The following TSEN54 variants were observed in gnomAD, a reference collection of about 807,000 sequenced individuals.
TSEN54 encodes the protein tRNA splicing endonuclease subunit 54.
In TSEN54, 55 loss-of-function variants were observed where a neutral mutation model predicts 61.9. That is an observed-to-expected ratio of 0.89 (90% confidence interval 0.72 to 1.11). The LOEUF is 1.11. TSEN54 is among the 50% of genes most tolerant of loss of function. The pLI is 0.00. For synonymous variants in TSEN54, 304 were observed against 288.7 expected (o/e 1.05, Z -0.54); for missense variants, 760 against 687.7 (o/e 1.11, Z -1.18).
At chr17:75,523,048 GCA>G in intron 8 of TSEN54, 1 of 543,976 alleles carries the variant, frequency 1.8e-6, no homozygotes, top group Non-Finnish European at 3.4e-6. Flanking sequence ...GTGTGGTGGT[GCA>G]CACTTATAAT....
chr17:75,522,921 C>G, intron 8 of TSEN54: 1 of 359,096 alleles, frequency 2.8e-6, no homozygotes, highest in Non-Finnish European at 5.4e-6. Flanking sequence ...TGGCTCATAC[C>G]CGTAATCCCA....
chr17:75,521,450 C>G lies in TSEN54; in HGVS notation c.563C>G (p.Ala188Gly). ...SPYERQLNLD[A>G]SVQHLEDGDG... is the part of the protein sequence containing the mutation. ...TATGAGAGGCAGCTTAACCTGGATG[C>G]CAGCGTGCAGCACTTGGAGGATGGA... is the stretch of plus-strand genomic sequence containing the variant. The change falls in exon 7 of 11, where the codon GCC becomes GGC. Residue 188 changes from alanine (A) to glycine (G), a missense_variant. Around this residue, in one of 3 missense-constraint regions of TSEN54, gnomAD observed 667 missense variants for 577.8 expected, o/e 1.15. Coordinates refer to ENST00000333213, the MANE Select transcript of TSEN54 (RefSeq NM_207346.3). The G allele has an allele frequency of 6.2e-7, 1 of 1,614,106 alleles. No homozygotes were observed. The highest frequency in any genetic ancestry group is 1.1e-5 in the South Asian group (1 of 91,086).
In TSEN54 at chr17:75,517,177, C is replaced by G. The variant is rs373908614; in HGVS notation, c.302C>G (p.Thr101Ser). 3 of 1,594,930 alleles carry G rather than the reference C, an allele frequency of 1.9e-6. No individual in the cohort carries two copies. The highest frequency in any genetic ancestry group is 2.6e-6 in the Non-Finnish European group (3 of 1,170,100). ...CCCACACAGGGCAAATTCTGGCAGA[C>G]CATGGGCTTCTCAGAGCAGGGCCGG... ...LKSPAGKFWQ[T>S]MGFSEQGRQR... Residue 101 changes from threonine (T) to serine (S), a missense_variant, in exon 4 of 11, where the codon ACC becomes AGC. By Grantham distance (58) the Thr-to-Ser change is moderately conservative. This residue lies in a region of TSEN54 where 667 missense variants were observed against 577.8 expected (regional missense o/e 1.15). Coordinates refer to ENST00000333213, the MANE Select transcript of TSEN54 (RefSeq NM_207346.3).
At chr17:75,519,136 G>A in intron 6 of TSEN54, 89 bp downstream of exon 6, 2 of 1,477,270 alleles carry the variant, frequency 1.4e-6, no homozygotes, top group South Asian at 1.1e-5. Flanking sequence ...CTCCTTACCT[G>A]GAACCCTTGG....
At position 75,523,332 on chromosome 17, in the gene TSEN54, C is replaced by T. The variant is rs8064529; in HGVS notation, c.1310C>T (p.Ala437Val). 0.67 allele frequency: 1,088,940 copies of T among 1,613,570 alleles called. 372,403 individuals are homozygous for T. Among genetic ancestry groups the T allele is most frequent in the Non-Finnish European group, 0.7 (831,440 of 1,179,866 alleles). Reference sequence around the variant, plus strand: ...ACAACACACCTTCCTGATGGAGGTGCCCGGTAAGTTTCCAAGCAGTGCCGT... The same window carrying T: ...ACAACACACCTTCCTGATGGAGGTGTCCGGTAAGTTTCCAAGCAGTGCCGT... ...LQTTHLPDGG[A>V]RLLEKSGGLE... is the part of the protein sequence containing the mutation. The change falls in exon 9 of 11, where the codon GCC becomes GTC. Residue 437 changes from alanine to valine, a missense_variant. This residue lies in a region of TSEN54 where 667 missense variants were observed against 577.8 expected (regional missense o/e 1.15). Transcript: ENST00000333213.
chr17:75,517,146 C>T lies in TSEN54; in HGVS notation c.286-15C>T, dbSNP rs2053380427. ...CCCTCCCTCCCTTGTGACACTTGCT[C>T]TGGGCCCCACACAGGGCAAATTCTG... On this transcript the variant is annotated splice_polypyrimidine_tract_variant and intron_variant, in intron 3 of 10. Coordinates refer to ENST00000333213, the MANE Select transcript of TSEN54 (RefSeq NM_207346.3). 1.3e-6 allele frequency: 2 copies of T among 1,587,470 alleles called. No individual in the cohort carries two copies. Among genetic ancestry groups the T allele is most frequent in the African/African-American group, 1.4e-5 (1 of 74,048 alleles).
rs2053401214 is a variant in TSEN54, at chr17:75,518,991, T to C, written c.469-4T>C. Reference sequence around the variant, plus strand: ...GAGCTTTCATTTTTTTTTTTTCTTTTGAGGTCTTCAGCCACCTGAAGAGGT... The same window carrying C: ...GAGCTTTCATTTTTTTTTTTTCTTTCGAGGTCTTCAGCCACCTGAAGAGGT... On this transcript the variant is annotated splice_polypyrimidine_tract_variant and splice_region_variant and intron_variant, in intron 5 of 10. Coordinates refer to ENST00000333213, the MANE Select transcript of TSEN54 (RefSeq NM_207346.3). 1.2e-6 allele frequency: 2 copies of C among 1,613,916 alleles called. No homozygotes were observed. Among genetic ancestry groups the C allele is most frequent in the Non-Finnish European group, 1.7e-6 (2 of 1,179,964 alleles).
At chr17:75,519,513 G>C (rs183290106) in intron 6 of TSEN54, among the ~76,000 whole-genome samples, 10 of 152,330 alleles carry the variant, frequency 6.6e-5, no homozygotes, top group Non-Finnish European at 7.3e-5. Context: ...AGTGGAAACG[G>C]GTACAGCTTT....
chr17:75,517,311 A>AG (rs934197770), intron 4 of TSEN54, 67 bp downstream of exon 4: 626 of 1,526,324 alleles, frequency 4.1e-4, no homozygotes, highest in Non-Finnish European at 5.1e-4. Context: ...GTTTTATCGG[A>AG]GAAAAAGCAC....
chr17:75,517,163 C>G lies in TSEN54; in HGVS notation c.288C>G (p.Gly96=). 6.4e-7 allele frequency: 1 copy of G among 1,570,248 alleles called. No individual in the cohort carries two copies. The highest frequency in any genetic ancestry group is 1.4e-5 in the African/African-American group (1 of 70,912). The stretch of plus-strand genomic sequence containing the variant: ...CACTTGCTCTGGGCCCCACACAGGG[C>G]AAATTCTGGCAGACCATGGGCTTCT... ...EGFVELKSPA[G]KFWQTMGFSE... The change falls in exon 4 of 11, where the codon GGC becomes GGG. Residue 96 remains glycine (G), a splice_region_variant and synonymous_variant. Coordinates refer to ENST00000333213, the MANE Select transcript of TSEN54 (RefSeq NM_207346.3).
In TSEN54 at chr17:75,521,961, C is replaced by T. The variant is rs780611779; in HGVS notation, c.880C>T (p.Arg294Trp). ...GAACGGAGTCACGGGAGCCGGTAAGCGGCGCTGGAACTTCGAGCAGATCTC... is the reference window on the plus strand; with the variant it reads ...GAACGGAGTCACGGGAGCCGGTAAGTGGCGCTGGAACTTCGAGCAGATCTC... ...AENGVTGAGK[R>W]RWNFEQISFP... is the part of the protein sequence containing the mutation. Residue 294 changes from arginine (R) to tryptophan (W), a missense_variant, in exon 8 of 11, where the codon CGG becomes TGG. By Grantham distance (101) the Arg-to-Trp change is moderately radical. Transcript: ENST00000333213. 9.9e-6 allele frequency: 16 copies of T among 1,609,478 alleles called. No individual in the cohort carries two copies. The highest frequency in any genetic ancestry group is 1.2e-5 in the Non-Finnish European group (14 of 1,178,710).
Position 75,524,536 on chromosome 17 carries a change from T to A in TSEN54, c.*124T>A. 1 of 1,264,344 alleles carries A rather than the reference T, an allele frequency of 7.9e-7. No homozygotes were observed. Among genetic ancestry groups the A allele is most frequent in the Non-Finnish European group, 1.1e-6 (1 of 877,072 alleles). 78.3% of individuals were successfully genotyped at this position (1,264,344 alleles called of 1,614,324 possible). ...GTAGCTTCAGAGGCCAGTCTGGGCC[T>A]TGGCCCTGGGTGTCTGATACTCACA... On this transcript the variant is annotated 3_prime_UTR_variant, in exon 11 of 11. Coordinates refer to ENST00000333213, the MANE Select transcript of TSEN54 (RefSeq NM_207346.3).
intron 8 of TSEN54, chr17:75,522,567 T>C: frequency 7.1e-7 from 1 of 1,416,004 alleles, no homozygotes; most frequent in Non-Finnish European, 9.2e-7. Flanking sequence ...GACCATATCC[T>C]TAAAAAGATA....
At chr17:75,517,898 A>C (rs1174809012) in intron 5 of TSEN54, among the ~76,000 whole-genome samples, 2 of 152,142 alleles carry the variant, frequency 1.3e-5, no homozygotes, top group African/African-American at 4.8e-5. Flanking sequence ...CAGGTGAGAG[A>C]AGCTAGGGGC....
chr17:75,524,169 C>A lies in TSEN54; in HGVS notation c.1431-93C>A, dbSNP rs112366094. 1.3e-3 allele frequency: 2,008 copies of A among 1,574,810 alleles called. 10 individuals are homozygous for A. The Middle Eastern group carries it at 0.025, about 20-fold the overall frequency. On this transcript the variant is annotated intron_variant, in intron 10 of 10. Transcript: ENST00000333213. ...GAACTCATGGGTCAGAATTCTTGCA[C>A]CCCAACTCCTTCCGTAGAATCTCTT... is the stretch of plus-strand genomic sequence containing the variant.
chr17:75,523,873 C>A, intron 10 of TSEN54, 94 bp downstream of exon 10: 1 of 1,402,640 alleles, frequency 7.1e-7, no homozygotes, highest in Non-Finnish European at 9.9e-7. Context: ...GCCAGCGTGC[C>A]AATCTCTGAG....
Position 75,521,874 on chromosome 17 carries a change from GGCCCCA to G in TSEN54, c.798_803del (p.Ser267_Pro268del). The G allele has an allele frequency of 6.2e-7, 1 of 1,611,050 alleles. No individual in the cohort carries two copies. The highest frequency in any genetic ancestry group is 8.5e-7 in the Non-Finnish European group (1 of 1,179,068). ...CCCCTTTCAGCTTCTGGGGTCCCTG[GGCCCCA>G]GCCCTGGCCCGGCCAGGGAGGGGGT... is the stretch of plus-strand genomic sequence containing the variant. On this transcript the variant is annotated inframe_deletion, in exon 8 of 11. Coordinates refer to ENST00000333213, the MANE Select transcript of TSEN54 (RefSeq NM_207346.3).
rs1217808253 is a variant in TSEN54 at position 75,516,585 on chromosome 17, G to A, written c.25G>A (p.Ala9Thr). 5.2e-5 allele frequency: 60 copies of A among 1,156,190 alleles called. No individual in the cohort carries two copies. Among genetic ancestry groups the A allele is most frequent in the Admixed American group, 3.8e-4 (8 of 20,892 alleles). The allele number at this position is 1,156,190 out of a possible 1,614,324, so 71.6% of individuals were successfully genotyped here. The change falls in exon 1 of 11, where the codon GCC becomes ACC. Residue 9 changes from alanine (A) to threonine (T), a missense_variant. This residue lies in a region of TSEN54 where 667 missense variants were observed against 577.8 expected (regional missense o/e 1.15). Transcript: ENST00000333213. MEPEPEPA[A>T]VEVPAGRVLS... ...GATGGAGCCCGAGCCCGAGCCCGCGGCCGTGGAGGTTCCCGCGGGGCGCGT... is the reference window on the plus strand; with the variant it reads ...GATGGAGCCCGAGCCCGAGCCCGCGACCGTGGAGGTTCCCGCGGGGCGCGT...
At chr17:75,519,590 TCTCA>T (rs1243465016) in intron 6 of TSEN54, among the ~76,000 whole-genome samples, 2 of 152,096 alleles carry the variant, frequency 1.3e-5, no homozygotes, top group Non-Finnish European at 2.9e-5. Context: ...TGAGACGGAG[TCTCA>T]CTCTGTCGCC....
Sources: allele counts gnomAD v4.1 joint callset (sites outside exome capture counted in the v4.1 genomes callset), GRCh38; gene constraint gnomAD v4.1.1; regional missense constraint gnomAD v4.1.1; transcripts MANE v1.5; gene names NCBI Gene and HGNC (gene_info 2026-07-23, HGNC 2026-07-21).